TAFA4: variants seen among roughly 807,000 people sequenced by gnomAD.
TAFA4 encodes the protein TAFA chemokine like family member 4.
In TAFA4, 20 loss-of-function variants were observed where a neutral mutation model predicts 21.1. That is an observed-to-expected ratio of 0.95 (90% CI 0.67 to 1.38). TAFA4 has a LOEUF of 1.38. Among genes scored for constraint, TAFA4 ranks in the 40% most tolerant of loss-of-function variants. The pLI is 0.00. For missense variants in TAFA4, 211 were observed against 180.9 expected, an observed-to-expected ratio of 1.17 and a Z score of -0.95; for synonymous variants, 71 against 67.4, an observed-to-expected ratio of 1.05 and a Z score of -0.26.
At chr3:68,754,619 C>T (rs1386917644) in intron 3 of TAFA4, among the ~76,000 whole-genome samples, 2 of 152,088 alleles carry the variant, frequency 1.3e-5, no homozygotes, top group African/African-American at 2.4e-5. Context: ...TCAGGCTTCT[C>T]CATTGTAAAG....
intron 1 of TAFA4, among the ~76,000 whole-genome samples, chr3:68,894,536 T>A (rs2089765633): frequency 6.6e-6 from 1 of 152,186 alleles, no homozygotes; most frequent in Non-Finnish European, 1.5e-5. Context: ...AGCCTGTGTG[T>A]ACTGAAAGCA....
intron 3 of TAFA4, among the ~76,000 whole-genome samples, chr3:68,786,218 A>G (rs151020054): frequency 1.9e-3 from 296 of 152,364 alleles, no homozygotes; most frequent in African/African-American, 6.6e-3. Flanking sequence ...GTTTATCTAT[A>G]TAACAAACCT....
At chr3:68,873,058 T>G (rs1250596644) in intron 3 of TAFA4, among the ~76,000 whole-genome samples, 2 of 152,072 alleles carry the variant, frequency 1.3e-5, no homozygotes, top group Non-Finnish European at 2.9e-5. Context: ...AAGGCTGATC[T>G]TTCATCACAC....
chr3:68,861,470 A>T (rs1281530330), intron 3 of TAFA4, among the ~76,000 whole-genome samples: 1 of 152,052 alleles, frequency 6.6e-6, no homozygotes, highest in Non-Finnish European at 1.5e-5. Flanking sequence ...AAACAAAACC[A>T]AGACACCTGC....
rs956230482 is a variant in TAFA4, at chr3:68,753,083, C to T, written c.131-65G>A. Reference sequence around the variant, plus strand: ...TAGAAGGAAATGACACCACCAAAACCAAAATGATGCTATGATGACATTTTC... The same window carrying T: ...TAGAAGGAAATGACACCACCAAAACTAAAATGATGCTATGATGACATTTTC... On this transcript the variant is annotated intron_variant, in intron 3 of 5. Coordinates refer to ENST00000295569, the MANE Select transcript of TAFA4 (RefSeq NM_182522.5). 79 of 1,468,952 alleles carry T rather than the reference C, an allele frequency of 5.4e-5. No individual in the cohort carries two copies. In the East Asian group the frequency reaches 1.6e-3, roughly 30 times the overall value. 91.0% of individuals were successfully genotyped at this position (1,468,952 alleles called of 1,614,324 possible). A position where few individuals can be genotyped will look rare whatever the true frequency, so the allele number is the denominator to read the frequency against.
At chr3:68,831,399 G>C (rs9817415) in intron 3 of TAFA4, among the ~76,000 whole-genome samples, 46,825 of 151,966 alleles carry the variant, frequency 0.31, 7,626 homozygotes, top group Non-Finnish European at 0.37. Context: ...TAAAATCTCT[G>C]AGCATTTGCT....
intron 3 of TAFA4, among the ~76,000 whole-genome samples, chr3:68,759,136 C>A (rs932142801): frequency 1.9e-4 from 29 of 152,180 alleles, no homozygotes; most frequent in Non-Finnish European, 3.2e-4. Context: ...TATCCCAGCT[C>A]AAAGGCAGTC....
chr3:68,807,457 C>A (rs886519284), intron 3 of TAFA4, among the ~76,000 whole-genome samples: 1 of 152,178 alleles, frequency 6.6e-6, no homozygotes, highest in Non-Finnish European at 1.5e-5. Flanking sequence ...AAACATGGGG[C>A]ATTGTAGCTT....
chr3:68,899,530 A>C (rs896913774), intron 1 of TAFA4, among the ~76,000 whole-genome samples: 1 of 152,174 alleles, frequency 6.6e-6, no homozygotes, highest in Admixed American at 6.5e-5. Flanking sequence ...GATCTAAAAA[A>C]GCAGCAGTTC....
intron 3 of TAFA4, among the ~76,000 whole-genome samples, chr3:68,802,432 G>A (rs1390459876): frequency 1.3e-5 from 2 of 150,846 alleles, no homozygotes; most frequent in African/African-American, 2.4e-5. Flanking sequence ...GGGGAAGGGG[G>A]GTTGGCAGGA....
intron 3 of TAFA4, among the ~76,000 whole-genome samples, chr3:68,804,664 C>A (rs1374848045): frequency 6.6e-6 from 1 of 152,140 alleles, no homozygotes. Flanking sequence ...CTACAACTAT[C>A]TGATCTTTGA....
At chr3:68,847,481 G>A (rs576514767) in intron 3 of TAFA4, among the ~76,000 whole-genome samples, 3 of 152,200 alleles carry the variant, frequency 2.0e-5, no homozygotes, top group African/African-American at 7.2e-5. Context: ...CACTGAACTA[G>A]ACCACTTAGC....
intron 3 of TAFA4, among the ~76,000 whole-genome samples, chr3:68,828,268 C>T (rs7610324): frequency 0.45 from 68,387 of 151,946 alleles, 16,009 homozygotes; most frequent in African/African-American, 0.54. Context: ...CATGCTGTTT[C>T]GGTTACTGTA....
intron 3 of TAFA4, among the ~76,000 whole-genome samples, chr3:68,818,482 C>T (rs577794074): frequency 6.6e-6 from 1 of 152,328 alleles, no homozygotes; most frequent in South Asian, 2.1e-4. Context: ...TGCAAGAGGC[C>T]TAGCTTTCAG....
rs1283007826 is a variant in TAFA4 at position 68,932,417 on chromosome 3, CGAAGCTCCTGCGGGAGAAGCCT to C, written c.-322_-301del. The C allele has an allele frequency of 1.3e-5, 2 of 152,330 alleles. No homozygotes were observed. The highest frequency in any genetic ancestry group is 1.9e-4 in the East Asian group (1 of 5,190). 9.4% of individuals were successfully genotyped at this position (152,330 alleles called of 1,614,324 possible). ...TCCCACGTCTCTACCAGGAGAAGCC[CGAAGCTCCTGCGGGAGAAGCCT>C]GAAGCTGCTGCTGGAGAAGCGGCAG... is the stretch of plus-strand genomic sequence containing the variant. On this transcript the variant is annotated 5_prime_UTR_variant, in exon 1 of 6. Coordinates refer to ENST00000295569, the MANE Select transcript of TAFA4 (RefSeq NM_182522.5).
rs145063646 is a variant in TAFA4, at chr3:68,760,620, T to C, written c.131-7602A>G. Among the ~76,000 whole-genome samples the C allele has an allele frequency of 5.7e-3, 864 of 152,284 alleles. 9 individuals are homozygous for C. Among genetic ancestry groups the C allele is most frequent in the African/African-American group, 0.019 (803 of 41,558 alleles). On this transcript the variant is annotated intron_variant, in intron 3 of 5. Transcript: ENST00000295569. ...TTTGAGTGTGGTTTTCTGTATGGCA[T>C]TTTCAGCCTATCTCTCCACGGGAGC...
chr3:68,810,929 G>A (rs965627574), intron 3 of TAFA4, among the ~76,000 whole-genome samples: 8 of 152,174 alleles, frequency 5.3e-5, no homozygotes, highest in Admixed American at 2.0e-4. Flanking sequence ...CCCCAGTAGG[G>A]GCAGTCTGAC....
chr3:68,783,729 GAAAGAA>G (rs1703196547), intron 3 of TAFA4, among the ~76,000 whole-genome samples: 1 of 146,560 alleles, frequency 6.8e-6, no homozygotes, highest in Non-Finnish European at 1.5e-5. Flanking sequence ...AAGAAAGAAA[GAAAGAA>G]AGAAAGAAAG....
chr3:68,752,457 A>T (rs971796892), intron 4 of TAFA4, among the ~76,000 whole-genome samples: 1 of 152,232 alleles, frequency 6.6e-6, no homozygotes, highest in African/African-American at 2.4e-5. Context: ...AAAATGATAA[A>T]CTAGAAATAA....
Sources: allele counts gnomAD v4.1 joint callset (sites outside exome capture counted in the v4.1 genomes callset), GRCh38; gene constraint gnomAD v4.1.1; transcripts MANE v1.5; gene names NCBI Gene and HGNC (gene_info 2026-07-23, HGNC 2026-07-21).